GRK3: variants seen among roughly 807,000 people sequenced by gnomAD.
The protein encoded by GRK3 is adrenergic, beta, receptor kinase 2.
Under a neutral mutation model 95.7 loss-of-function variants are expected in GRK3, and 54 were observed. The observed-to-expected ratio is 0.56, with a 90% CI of 0.45 to 0.71. The LOEUF (loss-of-function observed/expected upper bound fraction) is 0.71. Ranked by LOEUF, GRK3 falls within the 30% of genes least tolerant of loss-of-function variation. GRK3 has a pLI of 0.00. For missense variants in GRK3, 649 were observed against 851.2 expected, an observed-to-expected ratio of 0.76 and a Z score of 2.96; for synonymous variants, 281 against 290.8, an observed-to-expected ratio of 0.97 and a Z score of 0.34.
At chr22:25,632,883 G>A (rs943933391) in intron 2 of GRK3, among the ~76,000 whole-genome samples, 2 of 151,988 alleles carry the variant, frequency 1.3e-5, no homozygotes, top group African/African-American at 4.8e-5. Context: ...ATACTGCCTG[G>A]ATTACTGTAT....
chr22:25,686,250 C>T (rs963482250), intron 10 of GRK3, among the ~76,000 whole-genome samples: 1 of 151,294 alleles, frequency 6.6e-6, no homozygotes, highest in Non-Finnish European at 1.5e-5. Flanking sequence ...ACAGATCTAC[C>T]CCGAAACAGG....
chr22:25,636,752 A>T (rs923010764), intron 2 of GRK3, among the ~76,000 whole-genome samples: 11 of 152,078 alleles, frequency 7.2e-5, no homozygotes, highest in East Asian at 5.8e-4. Flanking sequence ...TTTTTTTTTT[A>T]AAAACCATAG....
rs772775988 is a variant in GRK3, at chr22:25,674,488, G to A, written c.607G>A (p.Gly203Arg). The change falls in exon 8 of 21, where the codon GGG (glycine) becomes AGG (arginine). Residue 203 changes from glycine to arginine, a missense_variant. Around this residue, in one of 3 missense-constraint regions of GRK3, gnomAD observed 61 missense variants for 126.0 expected, o/e 0.48. Coordinates refer to ENST00000324198, the MANE Select transcript of GRK3 (RefSeq NM_005160.4). ...VHRIIGRGGF[G>R]EVYGCRKADT... ...TAGGATTATTGGACGAGGAGGATTCGGGGAAGTTTATGGTTGCAGGAAAGC... is the reference window on the plus strand; with the variant it reads ...TAGGATTATTGGACGAGGAGGATTCAGGGAAGTTTATGGTTGCAGGAAAGC... The A allele has an allele frequency of 6.2e-6, 10 of 1,614,068 alleles. No individual in the cohort carries two copies. Among genetic ancestry groups the A allele is most frequent in the Non-Finnish European group, 5.1e-6 (6 of 1,179,960 alleles).
Position 25,721,392 on chromosome 22 carries a change from T to C in GRK3, c.1900T>C (p.Cys634Arg). ...AGGAGGGAAACAATTTGTCTTGCAA[T>C]GTGAGGTGAGTTTTTATTTTTTCTT... is the stretch of plus-strand genomic sequence containing the variant. The part of the protein sequence containing the change: ...IKGGKQFVLQ[C>R]ESDPEFVQWK... The change falls in exon 20 of 21, where the codon TGT (cysteine) becomes CGT (arginine). Residue 634 changes from cysteine (C) to arginine (R), a missense_variant. Physicochemically the swap from Cys to Arg is radical, Grantham distance 180. Coordinates refer to ENST00000324198, the MANE Select transcript of GRK3 (RefSeq NM_005160.4). 1 of 1,552,848 alleles carries C rather than the reference T, an allele frequency of 6.4e-7. No homozygotes were observed. Among genetic ancestry groups the C allele is most frequent in the Non-Finnish European group, 8.8e-7 (1 of 1,133,996 alleles).
chr22:25,572,472 A>G (rs1931737717), intron 1 of GRK3, among the ~76,000 whole-genome samples: 1 of 152,210 alleles, frequency 6.6e-6, no homozygotes, highest in African/African-American at 2.4e-5. Context: ...AGTCCCACCA[A>G]CAGTGTAAAA....
chr22:25,672,839 C>T (rs994150632), intron 7 of GRK3, among the ~76,000 whole-genome samples: 1 of 152,052 alleles, frequency 6.6e-6, no homozygotes, highest in Non-Finnish European at 1.5e-5. Context: ...TCTAACACGT[C>T]ATCTCCTTAG....
chr22:25,703,888 C>T (rs996837737), intron 14 of GRK3, among the ~76,000 whole-genome samples: 11 of 152,192 alleles, frequency 7.2e-5, no homozygotes, highest in African/African-American at 2.2e-4. Flanking sequence ...GAGATGCCAA[C>T]GAATGAGAAT....
chr22:25,677,191 A>G (rs1237014369), intron 8 of GRK3, among the ~76,000 whole-genome samples: 1 of 152,008 alleles, frequency 6.6e-6, no homozygotes, highest in African/African-American at 2.4e-5. Flanking sequence ...TGAGACTCTC[A>G]TCTCTAAAAA....
At chr22:25,715,913 T>C (rs1329551407) in intron 18 of GRK3, among the ~76,000 whole-genome samples, 1 of 152,222 alleles carries the variant, frequency 6.6e-6, no homozygotes, top group Non-Finnish European at 1.5e-5. Context: ...GTTGCCAGAA[T>C]ACACCAAGGG....
intron 15 of GRK3, among the ~76,000 whole-genome samples, chr22:25,704,515 A>G (rs1601539628): frequency 6.6e-6 from 1 of 152,134 alleles, no homozygotes; most frequent in South Asian, 2.1e-4. Flanking sequence ...GGTTCAAGCA[A>G]TTCTCCTGCC....
intron 3 of GRK3, chr22:25,647,821 A>G (rs1260864196): frequency 2.4e-6 from 2 of 834,262 alleles, no homozygotes; most frequent in Admixed American, 1.7e-5. Context: ...AGGAAGAGAG[A>G]GTGAAATGGC....
chr22:25,638,687 ATC>A (rs1338123338), intron 2 of GRK3, among the ~76,000 whole-genome samples: 3 of 152,150 alleles, frequency 2.0e-5, no homozygotes, highest in Non-Finnish European at 4.4e-5. Flanking sequence ...GCTTTTCCTT[ATC>A]TCTCTAGTGT....
In GRK3 at chr22:25,728,344, C is replaced by T. The variant is rs897388888; in HGVS notation, c.*5894C>T. On this transcript the variant is annotated 3_prime_UTR_variant, in exon 21 of 21. Coordinates refer to ENST00000324198, the MANE Select transcript of GRK3 (RefSeq NM_005160.4). ...AGGCTTCTTGCTTGTTGACAAGTAC[C>T]GCAAAGGCTTTATTCTGGACTGGCT... is the stretch of plus-strand genomic sequence containing the variant. 9 of 152,178 alleles carry T rather than the reference C, an allele frequency of 5.9e-5. No individual in the cohort carries two copies. The East Asian group carries it at 7.7e-4, about 13-fold the overall frequency. 9.4% of individuals were successfully genotyped at this position (152,178 alleles called of 1,614,324 possible).
At position 25,690,370 on chromosome 22, in the gene GRK3, A is replaced by T. The variant is rs1057445582; in HGVS notation, c.1052+87A>T. On this transcript the variant is annotated intron_variant, in intron 12 of 20. Coordinates refer to ENST00000324198, the MANE Select transcript of GRK3 (RefSeq NM_005160.4). ...CATTTGTCACCCCATTTCTCTTACCAGTGGTGATTTTCAATATGTCAGGAA... is the reference window on the plus strand; with the variant it reads ...CATTTGTCACCCCATTTCTCTTACCTGTGGTGATTTTCAATATGTCAGGAA... The T allele has an allele frequency of 6.3e-6, 6 of 950,380 alleles. No individual in the cohort carries two copies. The African/African-American group carries it at 9.8e-5, about 16-fold the overall frequency. The allele number at this position is 950,380 out of a possible 1,614,324, so 58.9% of individuals were successfully genotyped here.
At chr22:25,649,710 G>A (rs1375310434) in intron 3 of GRK3, among the ~76,000 whole-genome samples, 1 of 152,056 alleles carries the variant, frequency 6.6e-6, no homozygotes, top group Non-Finnish European at 1.5e-5. Flanking sequence ...ATTCTCAAAA[G>A]TTTTTTCTGA....
intron 15 of GRK3, among the ~76,000 whole-genome samples, chr22:25,709,131 G>A (rs1440064364): frequency 1.3e-5 from 2 of 151,750 alleles, no homozygotes; most frequent in East Asian, 1.9e-4. Context: ...TCCACCTCCC[G>A]GGTTCACGCC....
chr22:25,565,249 G>C (rs1165895065), intron 1 of GRK3, 96 bp downstream of exon 1: 3 of 515,984 alleles, frequency 5.8e-6, no homozygotes, highest in African/African-American at 2.1e-5. Flanking sequence ...CTGAGCCTCC[G>C]CTGCCCCGGG....
chr22:25,644,482 A>AT (rs2084766783), intron 2 of GRK3, 110 bp from the exon 3 acceptor site: 3 of 458,544 alleles, frequency 6.5e-6, no homozygotes, highest in Non-Finnish European at 1.2e-5. Flanking sequence ...TTAAAAAAAA[A>AT]AGTAGAGGAG....
Position 25,678,847 on chromosome 22 carries a change from A to T in GRK3, c.679A>T (p.Ile227Phe). ...AATGAAATGCTTAGATAAGAAGAGG[A>T]TCAAAATGAAACAAGGAGAAACATT... ...YAMKCLDKKR[I>F]KMKQGETLAL... is the part of the protein sequence containing the mutation. The change falls in exon 9 of 21, where the codon ATC becomes TTC. Residue 227 changes from isoleucine to phenylalanine, a missense_variant. Ile to Phe is a conservative substitution (Grantham distance 21). Around this residue, in one of 3 missense-constraint regions of GRK3, gnomAD observed 61 missense variants for 126.0 expected, o/e 0.48. Transcript: ENST00000324198. 6.2e-7 allele frequency: 1 copy of T among 1,608,740 alleles called. No individual in the cohort carries two copies. The highest frequency in any genetic ancestry group is 8.5e-7 in the Non-Finnish European group (1 of 1,176,586).
Sources: gnomAD v4.1 joint callset for allele counts (sites outside exome capture counted in the v4.1 genomes callset) on GRCh38, gnomAD v4.1.1 for gene constraint, gnomAD v4.1.1 regional missense constraint, MANE v1.5 for transcripts, NCBI Gene and HGNC (gene_info 2026-07-23, HGNC 2026-07-21) for gene names.